The following WFDC8 variants were observed in gnomAD, a reference collection of about 807,000 sequenced individuals.
The protein encoded by WFDC8 is WAP four-disulfide core domain 8.
A neutral mutation model predicts 27.0 loss-of-function variants in WFDC8; 24 were observed. That is an observed-to-expected ratio of 0.89 (90% CI 0.64 to 1.25). The LOEUF is 1.25. WFDC8 is among the 50% of genes most tolerant of loss of function. WFDC8 has a pLI of 0.00. For synonymous variants in WFDC8, 106 were observed against 99.7 expected, an observed-to-expected ratio of 1.06 and a Z score of -0.38; for missense variants, 287 against 295.9, an observed-to-expected ratio of 0.97 and a Z score of 0.22.
rs1025380636 is a variant in WFDC8, at chr20:45,564,241, A to C, written c.27-2022T>G. On this transcript the variant is annotated intron_variant, in intron 1 of 5. Coordinates refer to ENST00000289953, the MANE Select transcript of WFDC8 (RefSeq NM_130896.3). ...ACTAGGACAGACCTGGAATACTAGGACAGACCTGGAATACACGGACACAAA... is the reference window on the plus strand; with the variant it reads ...ACTAGGACAGACCTGGAATACTAGGCCAGACCTGGAATACACGGACACAAA... 3.3e-5 allele frequency among the ~76,000 whole-genome samples: 5 copies of C among 152,212 alleles called. No homozygotes were observed. The East Asian group carries it at 7.7e-4, about 23-fold the overall frequency.
chr20:45,564,068 C>A (rs1980560397), intron 1 of WFDC8, among the ~76,000 whole-genome samples: 1 of 152,178 alleles, frequency 6.6e-6, no homozygotes, highest in Admixed American at 6.5e-5. Flanking sequence ...CTAAATCTGG[C>A]AACTTTGACA....
At chr20:45,563,270 T>G (rs2903786) in intron 1 of WFDC8, among the ~76,000 whole-genome samples, 58,255 of 152,050 alleles carry the variant, frequency 0.38, 11,636 homozygotes, top group Non-Finnish European at 0.43. Context: ...ACAGCATATC[T>G]TGGATCCTCA....
chr20:45,574,224 CTT>C (rs1028006875), intron 1 of WFDC8, among the ~76,000 whole-genome samples: 17 of 152,082 alleles, frequency 1.1e-4, no homozygotes, highest in African/African-American at 3.6e-4. Context: ...TTAAAAGTCT[CTT>C]ATCGAAGAAA....
chr20:45,555,403 A>G (rs978633254), intron 4 of WFDC8, among the ~76,000 whole-genome samples: 1 of 152,176 alleles, frequency 6.6e-6, no homozygotes, highest in Non-Finnish European at 1.5e-5. Context: ...CCTTCTTCCA[A>G]GGGGGCACAC....
At chr20:45,561,993 T>C in intron 2 of WFDC8, 117 bp downstream of exon 2, 1 of 886,740 alleles carries the variant, frequency 1.1e-6, no homozygotes, top group Non-Finnish European at 1.8e-6. Flanking sequence ...TAGCTTTCTG[T>C]GGCCCCAAAT....
At chr20:45,561,330 AC>A (rs1980462167) in intron 2 of WFDC8, among the ~76,000 whole-genome samples, 1 of 152,022 alleles carries the variant, frequency 6.6e-6, no homozygotes, top group African/African-American at 2.4e-5. Flanking sequence ...CAAACTAAAG[AC>A]TTTTATTTCG....
chr20:45,562,302 T>C (rs1257403785), intron 1 of WFDC8, 83 bp from the exon 2 acceptor site: 3 of 1,117,180 alleles, frequency 2.7e-6, no homozygotes, highest in Non-Finnish European at 4.0e-6. Context: ...TTAGAGATGA[T>C]CCACCAGGTC....
intron 3 of WFDC8, among the ~76,000 whole-genome samples, chr20:45,556,168 G>C (rs1256314307): frequency 1.3e-5 from 2 of 152,158 alleles, no homozygotes; most frequent in Non-Finnish European, 2.9e-5. Context: ...GGCAAGACTT[G>C]TTCAGCAACT....
intron 1 of WFDC8, among the ~76,000 whole-genome samples, chr20:45,565,021 A>AAAGAAAGAAAGAAAGGAAGG (rs144470212): frequency 6.8e-6 from 1 of 146,540 alleles, no homozygotes; most frequent in African/African-American, 2.6e-5. Context: ...AAAGAGAAAG[A>AAAGAAAGAAAGAAAGGAAGG]AAGGAAGGAA....
chr20:45,570,506 A>C (rs970039488), intron 1 of WFDC8, among the ~76,000 whole-genome samples: 1 of 152,176 alleles, frequency 6.6e-6, no homozygotes, highest in South Asian at 2.1e-4. Flanking sequence ...GTTCTTTTTT[A>C]TTGCTGAATT....
chr20:45,552,741 C>T (rs1185658828), intron 5 of WFDC8, among the ~76,000 whole-genome samples: 1 of 152,152 alleles, frequency 6.6e-6, no homozygotes, highest in South Asian at 2.1e-4. Context: ...TTTCCCCAGC[C>T]CATCTTACAG....
intron 1 of WFDC8, among the ~76,000 whole-genome samples, chr20:45,563,786 T>A (rs566823706): frequency 1.3e-5 from 2 of 152,298 alleles, no homozygotes; most frequent in Admixed American, 1.3e-4. Flanking sequence ...GGGTTTGAAA[T>A]TTTACCCTCT....
Position 45,577,653 on chromosome 20 carries a change from C to T in WFDC8, c.26+1569G>A, listed in dbSNP as rs570633060. On this transcript the variant is annotated intron_variant, in intron 1 of 5. Coordinates refer to ENST00000289953, the MANE Select transcript of WFDC8 (RefSeq NM_130896.3). ...GACCTAGTGATCCGCCTGCCTCAGCCTCCCAAAGTGCTGGGATTACAGGCA... is the reference window on the plus strand; with the variant it reads ...GACCTAGTGATCCGCCTGCCTCAGCTTCCCAAAGTGCTGGGATTACAGGCA... Among the ~76,000 whole-genome samples, 14 of 149,146 alleles carry T rather than the reference C, an allele frequency of 9.4e-5. No homozygotes were observed. In the South Asian group the frequency reaches 3.0e-3, roughly 32 times the overall value.
chr20:45,566,772 G>T (rs1261552062), intron 1 of WFDC8, among the ~76,000 whole-genome samples: 1 of 152,150 alleles, frequency 6.6e-6, no homozygotes, highest in African/African-American at 2.4e-5. Context: ...TGACAAAAAG[G>T]CAAATAAATA....
At chr20:45,578,772 A>G (rs897343455) in intron 1 of WFDC8, among the ~76,000 whole-genome samples, 1 of 152,200 alleles carries the variant, frequency 6.6e-6, no homozygotes, top group Non-Finnish European at 1.5e-5. Context: ...AAATGTTTAG[A>G]TACATATTAT....
chr20:45,578,704 T>C (rs988985277), intron 1 of WFDC8, among the ~76,000 whole-genome samples: 1 of 152,254 alleles, frequency 6.6e-6, no homozygotes, highest in Non-Finnish European at 1.5e-5. Flanking sequence ...AAAGATGGAA[T>C]GAATAGTTGT....
Position 45,575,494 on chromosome 20 carries a change from T to G in WFDC8, c.26+3728A>C, listed in dbSNP as rs542752814. ...CTGTACACTGAAAACTACAAAATAT[T>G]AGTGAAAGAAATTGGAGAAGACATA... On this transcript the variant is annotated intron_variant, in intron 1 of 5. Coordinates refer to ENST00000289953, the MANE Select transcript of WFDC8 (RefSeq NM_130896.3). 6.1e-4 allele frequency among the ~76,000 whole-genome samples: 87 copies of G among 141,686 alleles called. 3 individuals are homozygous for G. Among genetic ancestry groups the G allele is most frequent in the African/African-American group, 2.0e-3 (83 of 40,558 alleles). The allele number at this position is 141,686 out of a possible 152,430, so 93.0% of individuals were successfully genotyped here.
intron 1 of WFDC8, among the ~76,000 whole-genome samples, chr20:45,571,371 ATTAT>A (rs917559543): frequency 1.2e-4 from 18 of 152,116 alleles, no homozygotes; most frequent in Admixed American, 6.5e-5. Flanking sequence ...ACTAATAATA[ATTAT>A]TTATATTTAT....
intron 1 of WFDC8, among the ~76,000 whole-genome samples, 156 bp downstream of exon 1, chr20:45,579,065 TC>T (rs971611383): frequency 6.6e-6 from 1 of 152,032 alleles, no homozygotes; most frequent in African/African-American, 2.4e-5. Context: ...AGGCTCTGAT[TC>T]CTGACACAAG....
Sources: gnomAD v4.1 joint callset for allele counts (sites outside exome capture counted in the v4.1 genomes callset) on GRCh38, gnomAD v4.1.1 for gene constraint, MANE v1.5 for transcripts, NCBI Gene and HGNC (gene_info 2026-07-23, HGNC 2026-07-21) for gene names.